The following RPRD1A variants were observed in gnomAD, a reference collection of about 807,000 sequenced individuals.
The protein encoded by RPRD1A is regulation of nuclear pre-mRNA domain-containing protein 1A.
Under a neutral mutation model 37.8 loss-of-function variants are expected in RPRD1A, and 9 were observed. The observed-to-expected ratio is 0.24, with a 90% CI of 0.14 to 0.42. The LOEUF (loss-of-function observed/expected upper bound fraction) is 0.42. Ranked by LOEUF, RPRD1A falls within the 10% of genes least tolerant of loss-of-function variation. The probability of loss-of-function intolerance (pLI) is 1.00; values close to 1 mark genes in which losing one functional copy is unlikely to be tolerated. For missense variants in RPRD1A, 255 were observed against 371.0 expected, an observed-to-expected ratio of 0.69 and a Z score of 2.57; for synonymous variants, 138 against 139.7, an observed-to-expected ratio of 0.99 and a Z score of 0.08.
At chr18:35,998,620 G>A (rs1275677384) in intron 6 of RPRD1A, among the ~76,000 whole-genome samples, 1 of 152,114 alleles carries the variant, frequency 6.6e-6, no homozygotes, top group Non-Finnish European at 1.5e-5. Flanking sequence ...AGTTTCTGCA[G>A]TTCCAGCTTC....
chr18:35,998,228 G>A (rs943832296), intron 6 of RPRD1A, among the ~76,000 whole-genome samples: 4 of 151,856 alleles, frequency 2.6e-5, no homozygotes, highest in Non-Finnish European at 4.4e-5. Context: ...GTGTGGTGGC[G>A]GCACCTGTAA....
Position 36,067,499 on chromosome 18 carries a change from C to A in RPRD1A, c.-95G>T, listed in dbSNP as rs2089056463. 8 of 1,297,956 alleles carry A rather than the reference C, an allele frequency of 6.2e-6. No homozygotes were observed. The East Asian group carries it at 1.9e-4, about 31-fold the overall frequency. The allele number at this position is 1,297,956 out of a possible 1,614,324, so 80.4% of individuals were successfully genotyped here. A position where few individuals can be genotyped will look rare whatever the true frequency, so the allele number is the denominator to read the frequency against. On this transcript the variant is annotated 5_prime_UTR_variant, in exon 1 of 7. In the 5' UTR this introduces an upstream ATG that the reference lacks. Coordinates refer to ENST00000399022, the MANE Select transcript of RPRD1A (RefSeq NM_018170.5). Reference sequence around the variant, plus strand: ...TGCGGCCTCGCCCCCTCACCCCACCCTTCCCCACGCTCTCACCACGGCCGC... The same window carrying A: ...TGCGGCCTCGCCCCCTCACCCCACCATTCCCCACGCTCTCACCACGGCCGC...
intron 1 of RPRD1A, among the ~76,000 whole-genome samples, chr18:36,060,256 C>A (rs1228389902): frequency 6.6e-6 from 1 of 151,934 alleles, no homozygotes; most frequent in African/African-American, 2.4e-5. Context: ...ACGGTAAAAC[C>A]CCCATCTCTA....
At chr18:36,033,309 A>C (rs1460749961) in intron 2 of RPRD1A, among the ~76,000 whole-genome samples, 7 of 149,728 alleles carry the variant, frequency 4.7e-5, no homozygotes, top group African/African-American at 1.7e-4. Flanking sequence ...CAAAAAAAAA[A>C]AAAAAAAAAA....
intron 1 of RPRD1A, chr18:36,064,011 T>C (rs558740007): frequency 6.6e-6 from 1 of 152,394 alleles, no homozygotes; most frequent in African/African-American, 2.4e-5. Flanking sequence ...AAGCACATCT[T>C]ACAATTTTAC....
chr18:36,050,135 T>A (rs1424532026), intron 1 of RPRD1A, among the ~76,000 whole-genome samples: 1 of 151,286 alleles, frequency 6.6e-6, no homozygotes, highest in Non-Finnish European at 1.5e-5. Flanking sequence ...TTTGGGAAAA[T>A]GGAAAAAAGT....
At chr18:36,018,693 T>C (rs1185763165) in intron 6 of RPRD1A, among the ~76,000 whole-genome samples, 1 of 152,106 alleles carries the variant, frequency 6.6e-6, no homozygotes, top group Admixed American at 6.5e-5. Context: ...AAAACAAGGT[T>C]CATCTCATGA....
chr18:36,040,868 A>G, intron 1 of RPRD1A: 1 of 1,501,394 alleles, frequency 6.7e-7, no homozygotes, highest in South Asian at 1.2e-5. Context: ...CCTCCACTCT[A>G]AAAGGAAGCA....
intron 6 of RPRD1A, among the ~76,000 whole-genome samples, chr18:36,007,009 T>G (rs1568116946): frequency 6.6e-6 from 1 of 152,224 alleles, no homozygotes; most frequent in East Asian, 1.9e-4. Flanking sequence ...TCTTCTTTAC[T>G]CTTCCTAGTT....
At chr18:36,028,014 C>T (rs1429017713) in intron 4 of RPRD1A, 1 of 151,890 alleles carries the variant, frequency 6.6e-6, no homozygotes, top group Non-Finnish European at 1.5e-5. Context: ...AGGAGGGAAG[C>T]GCAACTCTTT....
At chr18:36,050,868 CTTTTT>C (rs374429594) in intron 1 of RPRD1A, among the ~76,000 whole-genome samples, 3 of 128,044 alleles carry the variant, frequency 2.3e-5, no homozygotes, top group African/African-American at 5.9e-5. Context: ...CTTTTCTTTT[CTTTTT>C]TTTTTTTACT....
intron 6 of RPRD1A, among the ~76,000 whole-genome samples, chr18:36,012,450 A>G (rs1161478719): frequency 6.6e-6 from 1 of 152,244 alleles, no homozygotes; most frequent in African/African-American, 2.4e-5. Flanking sequence ...AGGCATTATT[A>G]GATACACAAA....
intron 1 of RPRD1A, among the ~76,000 whole-genome samples, chr18:36,043,144 C>T (rs1292776741): frequency 7.6e-6 from 1 of 130,732 alleles, no homozygotes; most frequent in Admixed American, 9.0e-5. Context: ...GTTACACACA[C>T]ACACAAACAC....
At position 36,067,558 on chromosome 18, in the gene RPRD1A, A is replaced by C; in HGVS notation, c.-154T>G. ...CCAAGACCGGCCGCAAACCAGCAAG[A>C]TGGCGTCCGGCCGGCAGTGACGTCA... On this transcript the variant is annotated 5_prime_UTR_variant, in exon 1 of 7. Coordinates refer to ENST00000399022, the MANE Select transcript of RPRD1A (RefSeq NM_018170.5). 1.4e-6 allele frequency: 1 copy of C among 702,226 alleles called. No homozygotes were observed. Among genetic ancestry groups the C allele is most frequent in the Non-Finnish European group, 2.2e-6 (1 of 450,182 alleles). 43.5% of individuals were successfully genotyped at this position (702,226 alleles called of 1,614,324 possible).
chr18:36,066,501 A>G (rs139470540), intron 1 of RPRD1A, among the ~76,000 whole-genome samples: 6 of 152,256 alleles, frequency 3.9e-5, no homozygotes, highest in African/African-American at 1.2e-4. Context: ...TCGCACTAGG[A>G]TAATTTTTTA....
At position 36,033,831 on chromosome 18, in the gene RPRD1A, G is replaced by T; in HGVS notation, c.158C>A (p.Pro53Gln). 6.3e-7 allele frequency: 1 copy of T among 1,597,750 alleles called. No individual in the cohort carries two copies. The highest frequency in any genetic ancestry group is 8.5e-7 in the Non-Finnish European group (1 of 1,174,612). Residue 53 changes from proline to glutamine, a missense_variant, in exon 2 of 7, where the codon CCA becomes CAA. Around this residue, in one of 2 missense-constraint regions of RPRD1A, gnomAD observed 44 missense variants for 102.1 expected, o/e 0.43. Transcript: ENST00000399022. ...VWERELRKAKPNRKLTFLYLA... is the reference protein window; with the variant it reads ...VWERELRKAKQNRKLTFLYLA... ...GTAGAGAAAAGTAAGCTTCCTGTTT[G>T]GTTTGGCTGAAAAATAAGAAAAAGT...
At chr18:36,013,271 A>G (rs1390218927) in intron 6 of RPRD1A, among the ~76,000 whole-genome samples, 1 of 152,232 alleles carries the variant, frequency 6.6e-6, no homozygotes, top group Non-Finnish European at 1.5e-5. Flanking sequence ...CAGAGTTCTC[A>G]TGCAGTAAGG....
intron 4 of RPRD1A, chr18:36,027,803 T>A (rs1326791390): frequency 6.5e-6 from 1 of 152,958 alleles, no homozygotes; most frequent in African/African-American, 2.4e-5. Context: ...CATTTCTAAA[T>A]GCTGTAATTA....
intron 6 of RPRD1A, among the ~76,000 whole-genome samples, chr18:36,014,462 G>A (rs192594475): frequency 1.3e-5 from 2 of 152,214 alleles, no homozygotes; most frequent in Non-Finnish European, 1.5e-5. Flanking sequence ...GGCAAGGCTG[G>A]GCGCCATGGC....
Sources: allele counts gnomAD v4.1 joint callset (sites outside exome capture counted in the v4.1 genomes callset), GRCh38; gene constraint gnomAD v4.1.1; regional missense constraint gnomAD v4.1.1; transcripts MANE v1.5; gene names NCBI Gene and HGNC (gene_info 2026-07-23, HGNC 2026-07-21).